The following ZCRB1 variants were observed in gnomAD, a reference collection of about 807,000 sequenced individuals.
The protein encoded by ZCRB1 is zinc finger CCHC-type and RNA-binding motif-containing protein 1.
A neutral mutation model predicts 29.9 loss-of-function variants in ZCRB1; 21 were observed. The observed-to-expected ratio is 0.70, with a 90% CI of 0.50 to 1.01. ZCRB1 has a LOEUF of 1.01. Among genes scored for constraint, ZCRB1 ranks in the 50% least tolerant of loss-of-function variants. The pLI is 0.00. For missense variants in ZCRB1, 204 were observed against 253.3 expected (o/e 0.81, Z 1.32); for synonymous variants, 77 against 80.0 (o/e 0.96, Z 0.20).
chr12:42,318,504 C>T (rs2137530790), intron 3 of ZCRB1, among the ~76,000 whole-genome samples: 1 of 152,212 alleles, frequency 6.6e-6, no homozygotes, highest in East Asian at 1.9e-4. Flanking sequence ...TTTAGCCATA[C>T]CACCCACCAG....
Position 42,324,056 on chromosome 12 carries a change from T to C in ZCRB1, c.47A>G (p.Asn16Ser), listed in dbSNP as rs147640378. The C allele has an allele frequency of 5.6e-6, 9 of 1,614,082 alleles. No homozygotes were observed. The highest frequency in any genetic ancestry group is 1.3e-5 in the African/African-American group (1 of 74,922). Residue 16 changes from asparagine to serine, a missense_variant, in exon 2 of 8, where the codon AAC becomes AGC. Physicochemically the swap from Asn to Ser is conservative, Grantham distance 46. Coordinates refer to ENST00000266529, the MANE Select transcript of ZCRB1 (RefSeq NM_033114.4). ...ATTGTTTGTCAGGGAAAAAGGCAAG[T>C]TGGATACATACACTGTGCTCTTACT... ...APSKSTVYVSNLPFSLTNNDL... is the reference protein window; with the variant it reads ...APSKSTVYVSSLPFSLTNNDL...
intron 5 of ZCRB1, 64 bp downstream of exon 5, chr12:42,317,275 TA>T: frequency 8.4e-7 from 1 of 1,197,580 alleles, no homozygotes; most frequent in Non-Finnish European, 1.2e-6. Flanking sequence ...TGAGCAAAAA[TA>T]AAAGACTGAT....
At chr12:42,325,158 A>C (rs1238806131) in intron 1 of ZCRB1, among the ~76,000 whole-genome samples, 1 of 152,138 alleles carries the variant, frequency 6.6e-6, no homozygotes, top group Admixed American at 6.5e-5. Flanking sequence ...AATGTATTAC[A>C]CTCTTAGGAG....
At position 42,312,527 on chromosome 12, in the gene ZCRB1, A is replaced by T. The variant is rs1461579616; in HGVS notation, c.*540T>A. On this transcript the variant is annotated 3_prime_UTR_variant, in exon 8 of 8. Coordinates refer to ENST00000266529, the MANE Select transcript of ZCRB1 (RefSeq NM_033114.4). ...ATAATTCTCCTTTATTCTTTTATTAAGTGACTGAAATATATGTACTTTATT... is the reference window on the plus strand; with the variant it reads ...ATAATTCTCCTTTATTCTTTTATTATGTGACTGAAATATATGTACTTTATT... 1 of 152,194 alleles carries T rather than the reference A, an allele frequency of 6.6e-6. No individual in the cohort carries two copies. Among genetic ancestry groups the T allele is most frequent in the African/African-American group, 2.4e-5 (1 of 41,460 alleles). 9.4% of individuals were successfully genotyped at this position (152,194 alleles called of 1,614,324 possible).
intron 5 of ZCRB1, 30 bp downstream of exon 5, chr12:42,317,310 A>C: frequency 6.6e-7 from 1 of 1,506,330 alleles, no homozygotes; most frequent in Non-Finnish European, 9.1e-7. Flanking sequence ...TAAACTATGG[A>C]AAGTTCCATT....
In ZCRB1 at chr12:42,316,607, C is replaced by A. The variant is rs1344681175; in HGVS notation, c.333+733G>T. Among the ~76,000 whole-genome samples the A allele has an allele frequency of 2.0e-5, 3 of 152,064 alleles. No individual in the cohort carries two copies. The East Asian group carries it at 5.8e-4, about 29-fold the overall frequency. On this transcript the variant is annotated intron_variant, in intron 5 of 7. Transcript: ENST00000266529. ...GGATAGTTCAGTTACAAAACACTAG[C>A]AATACTAATAGGAAAAAATAAAAAA...
chr12:42,317,344 C>A lies in ZCRB1; in HGVS notation c.329G>T (p.Cys110Phe). 1.9e-6 allele frequency: 3 copies of A among 1,605,004 alleles called. No homozygotes were observed. Among genetic ancestry groups the A allele is most frequent in the Non-Finnish European group, 2.6e-6 (3 of 1,176,456 alleles). The change falls in exon 5 of 8, where the codon TGT (cysteine) becomes TTT (phenylalanine). Residue 110 changes from cysteine to phenylalanine, a missense_variant. By Grantham distance (205) the Cys-to-Phe change is radical (BLOSUM62 -2). Coordinates refer to ENST00000266529, the MANE Select transcript of ZCRB1 (RefSeq NM_033114.4). ...NYFDKSKCYECGESGHLSYAC... is the reference protein window; with the variant it reads ...NYFDKSKCYEFGESGHLSYAC... ...TTAAGTTTTAGGTTTACTTACCCCACATTCATAACACTTAGATTTATCAAA... is the reference window on the plus strand; with the variant it reads ...TTAAGTTTTAGGTTTACTTACCCCAAATTCATAACACTTAGATTTATCAAA...
intron 2 of ZCRB1, among the ~76,000 whole-genome samples, chr12:42,323,247 CCAGTA>C (rs1379893472): frequency 3.3e-5 from 5 of 152,260 alleles, no homozygotes; most frequent in Admixed American, 2.0e-4. Flanking sequence ...GTTCTGAAGG[CCAGTA>C]CAGTCTTCTA....
chr12:42,320,438 C>T (rs953542520), intron 3 of ZCRB1, among the ~76,000 whole-genome samples: 2 of 152,040 alleles, frequency 1.3e-5, no homozygotes, highest in Non-Finnish European at 2.9e-5. Flanking sequence ...GGTCTCACTG[C>T]ATTTGCTTTT....
chr12:42,324,204 A>C, intron 1 of ZCRB1, 100 bp from the exon 2 acceptor site: 1 of 1,088,376 alleles, frequency 9.2e-7, no homozygotes, highest in Non-Finnish European at 1.4e-6. Context: ...GCTGGGGTGC[A>C]ATGGCGTGAT....
chr12:42,320,200 G>C (rs1372941586), intron 3 of ZCRB1, among the ~76,000 whole-genome samples: 2 of 152,150 alleles, frequency 1.3e-5, no homozygotes, highest in African/African-American at 4.8e-5. Context: ...TGGGAAACCT[G>C]AATGTCATCC....
In ZCRB1 at chr12:42,313,021, T is replaced by G. The variant is rs2068577115; in HGVS notation, c.*46A>C. ...TTTATTAAAATTAGCTCTTCAAGAT[T>G]GTTACTAACAAATCTTGATTTTTAT... On this transcript the variant is annotated 3_prime_UTR_variant, in exon 8 of 8. Transcript: ENST00000266529. 1 of 1,492,332 alleles carries G rather than the reference T, an allele frequency of 6.7e-7. No homozygotes were observed. The highest frequency in any genetic ancestry group is 2.3e-5 in the Admixed American group (1 of 43,232). 92.4% of individuals were successfully genotyped at this position (1,492,332 alleles called of 1,614,324 possible). A position where few individuals can be genotyped will look rare whatever the true frequency, so the allele number is the denominator to read the frequency against.
chr12:42,320,170 A>C (rs2137532057), intron 3 of ZCRB1, among the ~76,000 whole-genome samples: 1 of 152,364 alleles, frequency 6.6e-6, no homozygotes, highest in East Asian at 1.9e-4. Flanking sequence ...TAAGCACATA[A>C]TATGAAGCAT....
rs144391825 is a variant in ZCRB1 at position 42,324,095 on chromosome 12, C to T, written c.8G>A (p.Gly3Asp). Residue 3 changes from glycine to aspartate, a missense_variant, in exon 2 of 8, where the codon GGT (glycine) becomes GAT (aspartate). Transcript: ENST00000266529. ...TGTGCTCTTACTTGGAGCCAATCCA[C>T]CACTCATTTCTAAAAGTGAAAACAA... MSGGLAPSKSTVY... is the reference protein window; with the variant it reads MSDGLAPSKSTVY... 2,066 of 1,614,068 alleles carry T rather than the reference C, an allele frequency of 1.3e-3. 3 individuals carry two copies. The highest frequency in any genetic ancestry group is 1.7e-3 in the Non-Finnish European group (1,975 of 1,179,938).
chr12:42,321,773 A>G (rs897949402), intron 3 of ZCRB1, among the ~76,000 whole-genome samples: 9 of 152,232 alleles, frequency 5.9e-5, no homozygotes, highest in African/African-American at 2.2e-4. Flanking sequence ...TGGTTACAAG[A>G]AAGTTAGGAT....
intron 3 of ZCRB1, among the ~76,000 whole-genome samples, chr12:42,320,702 G>A (rs918229325): frequency 3.9e-5 from 6 of 151,954 alleles, no homozygotes; most frequent in Non-Finnish European, 5.9e-5. Context: ...CTCCCACATC[G>A]GCTTCCCAAA....
chr12:42,317,538 T>C (rs2068600740), intron 4 of ZCRB1, 91 bp from the exon 5 acceptor site: 4 of 1,162,968 alleles, frequency 3.4e-6, no homozygotes, highest in Non-Finnish European at 4.8e-6. Context: ...TCAATTCCAG[T>C]TTATTTTGGA....
rs764514089 is a variant in ZCRB1 at position 42,313,731 on chromosome 12, C to A, written c.481G>T (p.Asp161Tyr). ...TGACTGAGGCTGTCAAGAGCAGGATCCTCCCCTTCATCTTCACTTTCTTCT... is the reference window on the plus strand; with the variant it reads ...TGACTGAGGCTGTCAAGAGCAGGATACTCCCCTTCATCTTCACTTTCTTCT... ...EVEESEDEGE[D>Y]PALDSLSQAI... The change falls in exon 7 of 8, where the codon GAT becomes TAT. Residue 161 changes from aspartate to tyrosine, a missense_variant. By Grantham distance (160) the Asp-to-Tyr change is radical (BLOSUM62 -3). Coordinates refer to ENST00000266529, the MANE Select transcript of ZCRB1 (RefSeq NM_033114.4). 2.5e-6 allele frequency: 4 copies of A among 1,607,954 alleles called. No homozygotes were observed. In the Admixed American group the frequency reaches 6.7e-5, roughly 27 times the overall value.
intron 5 of ZCRB1, among the ~76,000 whole-genome samples, chr12:42,316,934 C>T (rs978153539): frequency 3.9e-5 from 6 of 152,164 alleles, no homozygotes; most frequent in Admixed American, 3.9e-4. Flanking sequence ...AGGCCAGGCA[C>T]CATGGCTAAC....
Sources: allele counts gnomAD v4.1 joint callset (sites outside exome capture counted in the v4.1 genomes callset), GRCh38; gene constraint gnomAD v4.1.1; transcripts MANE v1.5; gene names NCBI Gene and HGNC (gene_info 2026-07-23, HGNC 2026-07-21).